Variants in DIPK1A observed in about 807,000 individuals in gnomAD.
The protein encoded by DIPK1A is family with sequence similarity 69 member A.
A neutral mutation model predicts 40.8 loss-of-function variants in DIPK1A; 27 were observed. The ratio of observed to expected loss-of-function variants is 0.66; its 90% CI spans 0.49 to 0.91. The LOEUF (loss-of-function observed/expected upper bound fraction) is 0.91, where lower values mean the gene tolerates loss of function less well. DIPK1A is among the 40% of genes least tolerant of loss of function. The pLI is 0.00. For missense variants in DIPK1A, 412 were observed against 505.7 expected, an observed-to-expected ratio of 0.81 and a Z score of 1.78; for synonymous variants, 166 against 171.3, an observed-to-expected ratio of 0.97 and a Z score of 0.24.
chr1:92,843,270 G>GGGGGAA lies in DIPK1A; in HGVS notation c.*107_*112dup. ...ACATACTGATGGCTTCTCAGGCCTGGGGGGAAGGAGTTTTGTGTAACTGGC... is the reference window on the plus strand; with the variant it reads ...ACATACTGATGGCTTCTCAGGCCTGGGGGGAAGGGGAAGGAGTTTTGTGTAACTGGC... On this transcript the variant is annotated 3_prime_UTR_variant, in exon 5 of 5. Transcript: ENST00000370310. 6.9e-7 allele frequency: 1 copy of GGGGGAA among 1,451,032 alleles called. No individual in the cohort carries two copies. The highest frequency in any genetic ancestry group is 9.1e-7 in the Non-Finnish European group (1 of 1,103,148). The allele number at this position is 1,451,032 out of a possible 1,614,324, so 89.9% of individuals were successfully genotyped here.
chr1:92,851,062 G>A (rs936212898), intron 2 of DIPK1A, 107 bp from the exon 3 acceptor site: 36 of 713,488 alleles, frequency 5.0e-5, no homozygotes, highest in Admixed American at 1.2e-4. Context: ...AAAAAGAACT[G>A]AGGCTTTGGA....
rs368231779 is a variant in DIPK1A, at chr1:92,857,654, C to T, written c.190-6699G>A. ...TTGTTTTTTATATGCCAATACTGTT[C>T]TATGAGATTTGCATGTATATATCTT... On this transcript the variant is annotated intron_variant, in intron 2 of 4. Coordinates refer to ENST00000370310, the MANE Select transcript of DIPK1A (RefSeq NM_001006605.5). 3.9e-5 allele frequency among the ~76,000 whole-genome samples: 6 copies of T among 152,200 alleles called. No homozygotes were observed. The East Asian group carries it at 7.7e-4, about 20-fold the overall frequency.
rs568446453 is a variant in DIPK1A at position 92,955,017 on chromosome 1, C to A, written c.54+6359G>T. The stretch of plus-strand genomic sequence containing the variant: ...TTATTCAGCGTTAAAAAGAAATGAG[C>A]TATTAAGCCATGAAAAGCCATAGAG... On this transcript the variant is annotated intron_variant, in intron 1 of 4. Transcript: ENST00000370310. Among the ~76,000 whole-genome samples the A allele has an allele frequency of 5.9e-5, 9 of 152,196 alleles. No individual in the cohort carries two copies. The South Asian group carries it at 1.9e-3, about 32-fold the overall frequency.
chr1:92,850,821 T>G (rs1452965852), intron 3 of DIPK1A, 27 bp downstream of exon 3: 3 of 1,365,616 alleles, frequency 2.2e-6, no homozygotes, highest in Non-Finnish European at 3.0e-6. Context: ...ACTATAATTC[T>G]GGAATGTTTA....
intron 1 of DIPK1A, among the ~76,000 whole-genome samples, chr1:92,934,347 A>T (rs928784969): frequency 2.0e-5 from 3 of 152,232 alleles, no homozygotes; most frequent in Admixed American, 2.0e-4. Flanking sequence ...TTCAAATTCA[A>T]ATACTTTTAT....
intron 2 of DIPK1A, among the ~76,000 whole-genome samples, chr1:92,865,077 T>C (rs1399081354): frequency 6.9e-6 from 1 of 144,596 alleles, no homozygotes; most frequent in Admixed American, 6.9e-5. Context: ...TAACATACTA[T>C]ATAGCCAAGA....
At chr1:92,927,880 T>G (rs1226497152) in intron 1 of DIPK1A, among the ~76,000 whole-genome samples, 1 of 152,234 alleles carries the variant, frequency 6.6e-6, no homozygotes, top group Non-Finnish European at 1.5e-5. Context: ...TTGGATTGTT[T>G]CCACTTTTTT....
Position 92,843,543 on chromosome 1 carries a change from C to A in DIPK1A, c.1127G>T (p.Arg376Leu), listed in dbSNP as rs1421518354. ...TTCACGAATTTCACTTGGAGCACCACGCAGTAGGTAGTCTTTGAGTAACTG... is the reference window on the plus strand; with the variant it reads ...TTCACGAATTTCACTTGGAGCACCAAGCAGTAGGTAGTCTTTGAGTAACTG... ...ACQLLKDYLL[R>L]GAPSEIREEL... Residue 376 changes from arginine to leucine, a missense_variant, in exon 5 of 5, where the codon CGT becomes CTT. By Grantham distance (102) the Arg-to-Leu change is moderately radical. Transcript: ENST00000370310. 6.4e-7 allele frequency: 1 copy of A among 1,552,066 alleles called. No individual in the cohort carries two copies. Among genetic ancestry groups the A allele is most frequent in the South Asian group, 1.2e-5 (1 of 84,056 alleles).
At chr1:92,936,055 C>T (rs1408028478) in intron 1 of DIPK1A, among the ~76,000 whole-genome samples, 1 of 152,128 alleles carries the variant, frequency 6.6e-6, no homozygotes, top group Admixed American at 6.6e-5. Context: ...CACTGCATTC[C>T]AGCCTGGGCG....
intron 1 of DIPK1A, among the ~76,000 whole-genome samples, chr1:92,956,305 T>C (rs1286746675): frequency 6.6e-6 from 1 of 152,234 alleles, no homozygotes; most frequent in Non-Finnish European, 1.5e-5. Context: ...GAATTCACCA[T>C]TTCTTTGAGC....
chr1:92,896,791 C>T (rs1343022306), intron 1 of DIPK1A, among the ~76,000 whole-genome samples: 2 of 152,042 alleles, frequency 1.3e-5, no homozygotes, highest in South Asian at 2.1e-4. Flanking sequence ...CTACAATGAA[C>T]TCAAACAAAT....
chr1:92,861,821 G>A (rs532759586), intron 2 of DIPK1A, among the ~76,000 whole-genome samples: 92 of 151,358 alleles, frequency 6.1e-4, no homozygotes, highest in African/African-American at 2.0e-3. Flanking sequence ...TCACTCTGCC[G>A]CCCAGTCTGG....
Position 92,844,166 on chromosome 1 carries a change from A to T in DIPK1A, c.504T>A (p.Ser168=). ...CCGTCAAGATGAGATTAACCAGTTC[A>T]GAGAGGTTTCCTTGGTCACCCAATT... ...KAKLGDQGNL[S]ELVNLILTVA... is the part of the protein sequence containing the mutation. The change falls in exon 5 of 5, where the codon TCT becomes TCA. Residue 168 remains serine, a synonymous_variant. Coordinates refer to ENST00000370310, the MANE Select transcript of DIPK1A (RefSeq NM_001006605.5). 1 of 1,548,844 alleles carries T rather than the reference A, an allele frequency of 6.5e-7. No homozygotes were observed. The highest frequency in any genetic ancestry group is 8.7e-7 in the Non-Finnish European group (1 of 1,144,982).
At chr1:92,900,412 AT>A (rs1649360997) in intron 1 of DIPK1A, among the ~76,000 whole-genome samples, 1 of 151,696 alleles carries the variant, frequency 6.6e-6, no homozygotes, top group African/African-American at 2.4e-5. Flanking sequence ...TAACATATTT[AT>A]TTCATTCATT....
chr1:92,844,030 G>T lies in DIPK1A; in HGVS notation c.640C>A (p.His214Asn). ...LLMVILQDKE[H>N]TPKLMGFCGD... ...CAGAATCCCATTAATTTGGGGGTATGTTCTTTATCTTGAAGTATCACCATG... is the reference window on the plus strand; with the variant it reads ...CAGAATCCCATTAATTTGGGGGTATTTTCTTTATCTTGAAGTATCACCATG... The change falls in exon 5 of 5, where the codon CAT becomes AAT. Residue 214 changes from histidine (H) to asparagine (N), a missense_variant. Transcript: ENST00000370310. The T allele has an allele frequency of 6.4e-7, 1 of 1,552,140 alleles. No homozygotes were observed. The highest frequency in any genetic ancestry group is 8.7e-7 in the Non-Finnish European group (1 of 1,147,068).
chr1:92,837,078 C>T (rs1442025678), intron 4 of DIPK1A: 3 of 335,162 alleles, frequency 9.0e-6, no homozygotes, highest in Admixed American at 4.6e-5. Flanking sequence ...AGCATTCTCA[C>T]TTGACAATTT....
intron 1 of DIPK1A, among the ~76,000 whole-genome samples, chr1:92,934,363 T>C (rs142874162): frequency 2.1e-3 from 316 of 152,310 alleles, no homozygotes; most frequent in African/African-American, 7.3e-3. Flanking sequence ...TTTATATTTA[T>C]TTCCAGAAGG....
chr1:92,853,627 T>C (rs1415081154), intron 2 of DIPK1A, among the ~76,000 whole-genome samples: 1 of 152,238 alleles, frequency 6.6e-6, no homozygotes, highest in African/African-American at 2.4e-5. Flanking sequence ...AGTGTAAGTA[T>C]AGACCACCTG....
At chr1:92,918,021 A>G (rs1032083418) in intron 1 of DIPK1A, among the ~76,000 whole-genome samples, 1 of 152,232 alleles carries the variant, frequency 6.6e-6, no homozygotes, top group African/African-American at 2.4e-5. Flanking sequence ...AACTAAAGAC[A>G]TAACACATAG....
Sources: allele counts gnomAD v4.1 joint callset (sites outside exome capture counted in the v4.1 genomes callset), GRCh38; gene constraint gnomAD v4.1.1; transcripts MANE v1.5; gene names NCBI Gene and HGNC (gene_info 2026-07-23, HGNC 2026-07-21).